Variants in ZP1 observed in about 807,000 individuals in gnomAD.
The protein encoded by ZP1 is zona pellucida sperm-binding protein 1.
Under a neutral mutation model 67.4 loss-of-function variants are expected in ZP1, and 58 were observed. The ratio of observed to expected loss-of-function variants is 0.86; its 90% confidence interval spans 0.70 to 1.07. The LOEUF is 1.07. Among genes scored for constraint, ZP1 ranks in the 50% least tolerant of loss-of-function variants. The probability of loss-of-function intolerance (pLI) is 0.00; values close to 1 mark genes in which losing one functional copy is unlikely to be tolerated. For synonymous variants in ZP1, 333 were observed against 332.7 expected (o/e 1.00, Z -0.01); for missense variants, 759 against 807.3 (o/e 0.94, Z 0.72).
intron 6 of ZP1, among the ~76,000 whole-genome samples, chr11:60,872,025 G>A (rs903603077): frequency 7.9e-5 from 12 of 152,174 alleles, no homozygotes; most frequent in South Asian, 6.2e-4. Flanking sequence ...CCGCCCTGCC[G>A]TGAGGGTTGG....
Position 60,875,164 on chromosome 11 carries a change from G to A in ZP1, c.1690G>A (p.Ala564Thr). The change falls in exon 11 of 12, where the codon GCC (alanine) becomes ACC (threonine). Residue 564 changes from alanine (A) to threonine (T), a missense_variant. By Grantham distance (58) the Ala-to-Thr change is moderately conservative. Transcript: ENST00000278853. ...ATCCTCAGGTCACCGTAATGACACT[G>A]CCAGGCCCCAGGACATCGTGAGCTC... ...RRSSGHRNDT[A>T]RPQDIVSSPG... 6.2e-7 allele frequency: 1 copy of A among 1,613,928 alleles called. No homozygotes were observed. The highest frequency in any genetic ancestry group is 8.5e-7 in the Non-Finnish European group (1 of 1,180,046).
At position 60,873,156 on chromosome 11, in the gene ZP1, C is replaced by CTT. The variant is rs1855613954; in HGVS notation, c.1113-5_1113-4dup. 1 of 1,561,600 alleles carries CTT rather than the reference C, an allele frequency of 6.4e-7. No individual in the cohort carries two copies. The highest frequency in any genetic ancestry group is 8.7e-7 in the Non-Finnish European group (1 of 1,154,970). On this transcript the variant is annotated splice_polypyrimidine_tract_variant and splice_region_variant and intron_variant, in intron 6 of 11. Transcript: ENST00000278853. ...TCTCCCCCACCCTCTTGCACGTGGA[C>CTT]TTCAGGCTTCATGTGCGCTGTGTCT...
intron 11 of ZP1, 89 bp downstream of exon 11, chr11:60,875,337 G>A: frequency 6.5e-7 from 1 of 1,540,278 alleles, no homozygotes; most frequent in Non-Finnish European, 8.7e-7. Flanking sequence ...TCCAGCCATA[G>A]CTGAGGGCAA....
chr11:60,873,686 G>A lies in ZP1; in HGVS notation c.1483G>A (p.Ala495Thr). ...AACCCAAATGGTAGCCTTGGACGGG[G>A]CCACACCTTTCCAGTCGCACTACCA... ...YRTQMVALDGATPFQSHYQRF... is the reference protein window; with the variant it reads ...YRTQMVALDGTTPFQSHYQRF... Residue 495 changes from alanine (A) to threonine (T), a missense_variant, in exon 9 of 12, where the codon GCC (alanine) becomes ACC (threonine). Ala to Thr is a moderately conservative substitution (Grantham distance 58). Coordinates refer to ENST00000278853, the MANE Select transcript of ZP1 (RefSeq NM_207341.4). 6.2e-7 allele frequency: 1 copy of A among 1,614,152 alleles called. No individual in the cohort carries two copies. Among genetic ancestry groups the A allele is most frequent in the Non-Finnish European group, 8.5e-7 (1 of 1,180,030 alleles).
In ZP1 at chr11:60,874,670, C is replaced by T. The variant is rs115757525; in HGVS notation, c.1573-263C>T. On this transcript the variant is annotated intron_variant, in intron 9 of 11. Coordinates refer to ENST00000278853, the MANE Select transcript of ZP1 (RefSeq NM_207341.4). ...GGGGCATTACGAAGTGCGGTGGTCC[C>T]CGCCTGCAGGGCACTCCACTGCAGA... Among the ~76,000 whole-genome samples, 468 of 152,356 alleles carry T rather than the reference C, an allele frequency of 3.1e-3. 2 individuals are homozygous for T. Among genetic ancestry groups the T allele is most frequent in the African/African-American group, 0.011 (452 of 41,586 alleles).
At chr11:60,870,024 A>C in intron 3 of ZP1, 124 bp downstream of exon 3, 1 of 1,222,858 alleles carries the variant, frequency 8.2e-7, no homozygotes, top group Non-Finnish European at 1.1e-6. Context: ...TTTTAGAAAA[A>C]GATGATTCTT....
In ZP1 at chr11:60,874,929, C is replaced by A. The variant is rs775764732; in HGVS notation, c.1573-4C>A. 16 of 1,614,086 alleles carry A rather than the reference C, an allele frequency of 9.9e-6. No homozygotes were observed. Among genetic ancestry groups the A allele is most frequent in the South Asian group, 3.3e-5 (3 of 91,092 alleles). ...CCACTTTGATGTTCTTCTCCTTCCA[C>A]CAGGTTTACTTGTTCTGCAGCACCT... On this transcript the variant is annotated splice_region_variant and splice_polypyrimidine_tract_variant and intron_variant, in intron 9 of 11. Transcript: ENST00000278853.
rs1380901718 is a variant in ZP1, at chr11:60,867,574, T to C, written c.13T>C (p.Ser5Pro). 3.7e-6 allele frequency: 6 copies of C among 1,608,632 alleles called. No homozygotes were observed. The highest frequency in any genetic ancestry group is 5.1e-6 in the Non-Finnish European group (6 of 1,176,760). The change falls in exon 1 of 12, where the codon TCA becomes CCA. Residue 5 changes from serine to proline, a missense_variant. Ser to Pro is a moderately conservative substitution (Grantham distance 74). Coordinates refer to ENST00000278853, the MANE Select transcript of ZP1 (RefSeq NM_207341.4). MAGG[S>P]ATTWGYPVAL... ...TCTGTGGCGTCTCATGGCAGGAGGC[T>C]CAGCCACGACCTGGGGTTACCCTGT...
intron 11 of ZP1, 43 bp downstream of exon 11, chr11:60,875,291 T>C: frequency 6.3e-7 from 1 of 1,583,134 alleles, no homozygotes; most frequent in Non-Finnish European, 8.5e-7. Flanking sequence ...TTACCCACTC[T>C]CAGCCCCCAA....
At chr11:60,875,344 G>C in intron 11 of ZP1, 96 bp downstream of exon 11, 1 of 1,530,828 alleles carries the variant, frequency 6.5e-7, no homozygotes, top group South Asian at 1.3e-5. Flanking sequence ...ATAGCTGAGG[G>C]CAAGAGATGG....
In ZP1 at chr11:60,871,108, C is replaced by G; in HGVS notation, c.978C>G (p.Phe326Leu). 6.2e-7 allele frequency: 1 copy of G among 1,614,164 alleles called. No individual in the cohort carries two copies. Among genetic ancestry groups the G allele is most frequent in the Non-Finnish European group, 8.5e-7 (1 of 1,180,010 alleles). ...AGCACACGGAAGCTTTCGTGGTCTT[C>G]TACTTCCCTCTCACCCACTGTGGAA... Reference protein sequence around the residue: ...PTQHTEAFVVFYFPLTHCGTT... With the variant: ...PTQHTEAFVVLYFPLTHCGTT... Residue 326 changes from phenylalanine (F) to leucine (L), a missense_variant, in exon 5 of 12, where the codon TTC (phenylalanine) becomes TTG (leucine). Phe to Leu is a conservative substitution (Grantham distance 22, BLOSUM62 0). Coordinates refer to ENST00000278853, the MANE Select transcript of ZP1 (RefSeq NM_207341.4).
chr11:60,875,181 C>T lies in ZP1; in HGVS notation c.1707C>T (p.Ile569=), dbSNP rs1191474186. The T allele has an allele frequency of 1.5e-5, 24 of 1,613,868 alleles. No individual in the cohort carries two copies. Among genetic ancestry groups the T allele is most frequent in the South Asian group, 2.2e-5 (2 of 91,086 alleles). Residue 569 remains isoleucine (I), a synonymous_variant, in exon 11 of 12, where the codon ATC becomes ATT. Coordinates refer to ENST00000278853, the MANE Select transcript of ZP1 (RefSeq NM_207341.4). ...ATGACACTGCCAGGCCCCAGGACAT[C>T]GTGAGCTCTCCGGGGCCAGTGGGCT... is the stretch of plus-strand genomic sequence containing the variant. ...HRNDTARPQD[I]VSSPGPVGFE...
At chr11:60,870,504 G>T in intron 4 of ZP1, 29 bp downstream of exon 4, 1 of 1,573,394 alleles carries the variant, frequency 6.4e-7, no homozygotes, top group Non-Finnish European at 8.6e-7. Flanking sequence ...GCAAGATCCT[G>T]GTCCCTTGGA....
chr11:60,872,672 A>C (rs1002767205), intron 6 of ZP1, among the ~76,000 whole-genome samples: 1 of 152,204 alleles, frequency 6.6e-6, no homozygotes, highest in Non-Finnish European at 1.5e-5. Context: ...AGTCACAGCC[A>C]TTTTACAAAT....
chr11:60,867,898 C>T, intron 1 of ZP1, 141 bp downstream of exon 1: 4 of 935,176 alleles, frequency 4.3e-6, no homozygotes, highest in Non-Finnish European at 4.7e-6. Context: ...CCCCTCACCA[C>T]AGAAAAGGGC....
In ZP1 at chr11:60,875,314, A is replaced by G. The variant is rs1855682174; in HGVS notation, c.1774+66A>G. 11 of 1,558,680 alleles carry G rather than the reference A, an allele frequency of 7.1e-6. No homozygotes were observed. The South Asian group carries it at 1.2e-4, about 17-fold the overall frequency. The stretch of plus-strand genomic sequence containing the variant: ...TCTCAGCCCCCAAGATTGTGCTGAC[A>G]AAACAGGGATGCTCCAGCCATAGCT... On this transcript the variant is annotated intron_variant, in intron 11 of 11. Coordinates refer to ENST00000278853, the MANE Select transcript of ZP1 (RefSeq NM_207341.4).
Position 60,871,334 on chromosome 11 carries a change from T to G in ZP1, c.1112+20T>G, listed in dbSNP as rs1855565713. The G allele has an allele frequency of 6.2e-7, 1 of 1,612,092 alleles. No homozygotes were observed. Among genetic ancestry groups the G allele is most frequent in the East Asian group, 2.2e-5 (1 of 44,876 alleles). On this transcript the variant is annotated intron_variant, in intron 6 of 11. Coordinates refer to ENST00000278853, the MANE Select transcript of ZP1 (RefSeq NM_207341.4). ...CTTCCAGTAAGGGCAGCCCTCCTCC[T>G]ACAGGCGTGGCTGTGTGCTAGGGTG...
intron 3 of ZP1, 29 bp downstream of exon 3, chr11:60,869,929 CTCTG>C (rs1459638212): frequency 3.9e-6 from 6 of 1,519,112 alleles, no homozygotes; most frequent in Non-Finnish European, 8.8e-7. Context: ...TGTACTTACC[CTCTG>C]TCTGGGGACT....
chr11:60,868,642 A>AG (rs1481397989), intron 1 of ZP1, among the ~76,000 whole-genome samples: 1 of 152,186 alleles, frequency 6.6e-6, no homozygotes, highest in Admixed American at 6.5e-5. Flanking sequence ...GTGGACACCT[A>AG]GGGGGTGTCT....
Sources: gnomAD v4.1 joint callset for allele counts (sites outside exome capture counted in the v4.1 genomes callset) on GRCh38, gnomAD v4.1.1 for gene constraint, MANE v1.5 for transcripts, NCBI Gene and HGNC (gene_info 2026-07-23, HGNC 2026-07-21) for gene names.